Variants in AOPEP observed in about 807,000 individuals in gnomAD.
AOPEP encodes the protein aminopeptidase O (putative), also known as aminopeptidase O.
AOPEP carries 77 observed loss-of-function variants against 98.1 expected under a neutral mutation model. That is an observed-to-expected ratio of 0.78 (90% CI 0.65 to 0.95). The LOEUF (loss-of-function observed/expected upper bound fraction) is 0.95, where lower values mean the gene tolerates loss of function less well. AOPEP is among the 40% of genes least tolerant of loss of function. AOPEP has a pLI of 0.00. For missense variants in AOPEP, 1,024 were observed against 1,024.7 expected (o/e 1.00, Z 0.01); for synonymous variants, 346 against 365.3 (o/e 0.95, Z 0.60).
the AOPEP span, chr9:95,123,418 T>C: frequency 5.9e-5 from 27 of 455,022 alleles, no homozygotes; most frequent in Admixed American, 9.5e-5. Flanking sequence ...GGTGGGAAGA[T>C]TGCTTGAGCC....
the AOPEP span, among the ~76,000 whole-genome samples, chr9:95,148,546 A>G: frequency 3.3e-5 from 5 of 152,220 alleles, no homozygotes; most frequent in African/African-American, 1.2e-4. Context: ...ATGTCCACCA[A>G]CATAAGCTTG....
chr9:94,949,369 C>G (rs1334076879), intron 7 of AOPEP, among the ~76,000 whole-genome samples: 3 of 152,224 alleles, frequency 2.0e-5, no homozygotes, highest in Admixed American at 2.0e-4. Flanking sequence ...TTATCACCTT[C>G]TTTAGCAGCC....
chr9:95,105,711 C>A, the AOPEP span, among the ~76,000 whole-genome samples: 1 of 152,228 alleles, frequency 6.6e-6, no homozygotes, highest in Non-Finnish European at 1.5e-5. Flanking sequence ...CTTCCAGGTG[C>A]CTCACCTAAG....
chr9:94,924,108 C>G lies in AOPEP; in HGVS notation c.1487C>G (p.Thr496Arg), dbSNP rs748848448. ...CTAGCCATCGGGGCCCGAGACTGGA[C>G]GGAGGAGTGGCTGAGTGAAGGCTTC... ...FGLAIGARDW[T>R]EEWLSEGFAT... Residue 496 changes from threonine to arginine, a missense_variant, in exon 6 of 17, where the codon ACG becomes AGG. This residue lies in a region of AOPEP where 566 missense variants were observed against 551.7 expected (regional missense o/e 1.03). Transcript: ENST00000375315. The G allele has an allele frequency of 2.7e-5, 41 of 1,511,266 alleles. No individual in the cohort carries two copies. The South Asian group carries it at 5.1e-4, about 19-fold the overall frequency. 93.6% of individuals were successfully genotyped at this position (1,511,266 alleles called of 1,614,324 possible).
At position 94,955,254 on chromosome 9, in the gene AOPEP, T is replaced by C; in HGVS notation, c.1739T>C (p.Ile580Thr). The C allele has an allele frequency of 6.2e-7, 1 of 1,613,002 alleles. No individual in the cohort carries two copies. The highest frequency in any genetic ancestry group is 8.5e-7 in the Non-Finnish European group (1 of 1,179,416). The change falls in exon 8 of 17, where the codon ATC (isoleucine) becomes ACC (threonine). Residue 580 changes from isoleucine (I) to threonine (T), a missense_variant. Around this residue, in one of 3 missense-constraint regions of AOPEP, gnomAD observed 566 missense variants for 551.7 expected, o/e 1.03. Coordinates refer to ENST00000375315, the MANE Select transcript of AOPEP (RefSeq NM_001193329.3). Reference protein sequence around the residue: ...VIKHGLNPEKIFMQVHYLKGY... With the variant: ...VIKHGLNPEKTFMQVHYLKGY... ...AAGCATGGACTTAATCCGGAGAAGA[T>C]CTTCATGCAGGTGCATTATTTAAAG...
At chr9:94,859,178 G>T (rs576765563) in intron 5 of AOPEP, among the ~76,000 whole-genome samples, 1 of 152,186 alleles carries the variant, frequency 6.6e-6, no homozygotes, top group Non-Finnish European at 1.5e-5. Context: ...AGGATGCAAT[G>T]AGAAGGCAGT....
At chr9:95,091,920 T>C (rs951136732), downstream of AOPEP, among the ~76,000 whole-genome samples, 4 of 152,120 alleles carry the variant, frequency 2.6e-5, no homozygotes, top group Non-Finnish European at 4.4e-5. Context: ...AAGCCACTCT[T>C]GGGGCTGGGG....
At chr9:94,833,675 C>A (rs7022142) in intron 5 of AOPEP, among the ~76,000 whole-genome samples, 21 of 152,266 alleles carry the variant, frequency 1.4e-4, no homozygotes, top group African/African-American at 5.1e-4. Flanking sequence ...TGGTTTGAAA[C>A]GCATCAAGTC....
At chr9:94,886,732 G>A (rs1351932854) in intron 5 of AOPEP, among the ~76,000 whole-genome samples, 2 of 152,122 alleles carry the variant, frequency 1.3e-5, no homozygotes, top group African/African-American at 4.8e-5. Context: ...TGCAAGGTTT[G>A]TACAACATTT....
chr9:94,932,299 A>G, intron 7 of AOPEP: 1 of 984,002 alleles, frequency 1.0e-6, no homozygotes, highest in Non-Finnish European at 1.2e-6. Flanking sequence ...AGGAACATTC[A>G]ACATTCTCTT....
chr9:95,141,012 T>TA, the AOPEP span, among the ~76,000 whole-genome samples: 2 of 151,802 alleles, frequency 1.3e-5, no homozygotes, highest in African/African-American at 2.4e-5. Context: ...TTATTAAGGT[T>TA]AAAAAAACAG....
At chr9:94,800,684 A>G in intron 4 of AOPEP, 73 bp from the exon 5 acceptor site, 3 of 1,541,374 alleles carry the variant, frequency 1.9e-6, no homozygotes, top group South Asian at 2.3e-5. Context: ...AGTTGTCTAC[A>G]TCTGCAAGAT....
At chr9:95,111,766 G>A in the AOPEP span, 2 of 1,037,800 alleles carry the variant, frequency 1.9e-6, no homozygotes, top group African/African-American at 1.6e-5. Flanking sequence ...CAACCTGCAA[G>A]GAATACAATT....
At chr9:95,072,949 T>C (rs775964225) in intron 14 of AOPEP, among the ~76,000 whole-genome samples, 2 of 152,104 alleles carry the variant, frequency 1.3e-5, no homozygotes, top group Non-Finnish European at 2.9e-5. Context: ...TCTTGGGTAG[T>C]GTGTGATAAG....
In AOPEP at chr9:94,946,375, C is replaced by T. The variant is rs72750328; in HGVS notation, c.1662-8802C>T. Among the ~76,000 whole-genome samples, 799 of 152,250 alleles carry T rather than the reference C, an allele frequency of 5.2e-3. 13 individuals are homozygous for T. Among genetic ancestry groups the T allele is most frequent in the East Asian group, 0.043 (224 of 5,180 alleles). On this transcript the variant is annotated intron_variant, in intron 7 of 16. Coordinates refer to ENST00000375315, the MANE Select transcript of AOPEP (RefSeq NM_001193329.3). ...TTAAAAGTGATTTTGCCTAACCTTC[C>T]CTGTGCCTGACAGATGGCCACTCAG...
At chr9:94,966,320 C>T (rs1289753182) in intron 9 of AOPEP, among the ~76,000 whole-genome samples, 1 of 151,946 alleles carries the variant, frequency 6.6e-6, no homozygotes, top group Non-Finnish European at 1.5e-5. Context: ...TGGGTGTCAT[C>T]AGAGTCCTGT....
intron 11 of AOPEP, among the ~76,000 whole-genome samples, chr9:94,988,992 T>C (rs1487884263): frequency 4.0e-5 from 6 of 151,694 alleles, no homozygotes; most frequent in Non-Finnish European, 8.8e-5. Context: ...CACTGCAATC[T>C]CCGCCTCCTG....
At chr9:95,137,941 G>C in the AOPEP span, among the ~76,000 whole-genome samples, 1 of 152,280 alleles carries the variant, frequency 6.6e-6, no homozygotes, top group African/African-American at 2.4e-5. Context: ...CTGCAGACAG[G>C]ACTTCAGAGG....
At chr9:94,923,919 C>A in intron 5 of AOPEP, 67 bp from the exon 6 acceptor site, 1 of 1,120,650 alleles carries the variant, frequency 8.9e-7, no homozygotes, top group Non-Finnish European at 1.2e-6. Context: ...GGAAAGCTGC[C>A]CCATCGGATG....
Sources: gnomAD v4.1 joint callset for allele counts (sites outside exome capture counted in the v4.1 genomes callset) on GRCh38, gnomAD v4.1.1 for gene constraint, gnomAD v4.1.1 regional missense constraint, MANE v1.5 for transcripts, NCBI Gene and HGNC (gene_info 2026-07-23, HGNC 2026-07-21) for gene names.